The following CNTNAP5 variants were observed in gnomAD, a reference collection of about 807,000 sequenced individuals.
The protein encoded by CNTNAP5 is contactin associated protein family member 5.
Under a neutral mutation model 150.2 loss-of-function variants are expected in CNTNAP5, and 72 were observed. The observed-to-expected ratio is 0.48, with a 90% confidence interval of 0.40 to 0.58. The LOEUF is 0.58. Ranked by LOEUF, CNTNAP5 falls within the 20% of genes least tolerant of loss-of-function variation. CNTNAP5 has a pLI of 0.00. For synonymous variants in CNTNAP5, 672 were observed against 619.8 expected (o/e 1.08, Z -1.25); for missense variants, 1,636 against 1,626.2 (o/e 1.01, Z -0.10).
intron 3 of CNTNAP5, among the ~76,000 whole-genome samples, chr2:124,324,403 T>C (rs985341434): frequency 1.3e-5 from 2 of 152,134 alleles, no homozygotes; most frequent in African/African-American, 4.8e-5. Context: ...TATGTCAGAT[T>C]TAAATAGGTC....
chr2:124,521,926 A>G lies in CNTNAP5; in HGVS notation c.1328-2377A>G, dbSNP rs530594620. Among the ~76,000 whole-genome samples the G allele has an allele frequency of 2.0e-5, 3 of 152,244 alleles. No homozygotes were observed. In the East Asian group the frequency reaches 5.8e-4, roughly 30 times the overall value. ...CAAACCCTGGTCTTGTCTGAGGACA[A>G]CTGCCTTTGGGAGGAAGTGGGGCCA... On this transcript the variant is annotated intron_variant, in intron 8 of 23. Coordinates refer to ENST00000682447, the MANE Select transcript of CNTNAP5 (RefSeq NM_001367498.1).
chr2:124,412,309 G>T (rs1220187625), intron 3 of CNTNAP5, among the ~76,000 whole-genome samples: 3 of 149,922 alleles, frequency 2.0e-5, no homozygotes, highest in African/African-American at 7.3e-5. Context: ...ACTGCCCAAG[G>T]TAATTTACAG....
intron 21 of CNTNAP5, among the ~76,000 whole-genome samples, chr2:124,896,122 G>C (rs1460960546): frequency 1.3e-5 from 2 of 151,666 alleles, no homozygotes; most frequent in Non-Finnish European, 2.9e-5. Context: ...GTGCACTCCT[G>C]GCAAAGTTGT....
intron 11 of CNTNAP5, among the ~76,000 whole-genome samples, chr2:124,607,908 C>T (rs1339482937): frequency 6.6e-6 from 1 of 152,144 alleles, no homozygotes; most frequent in Non-Finnish European, 1.5e-5. Context: ...ACATTATGCT[C>T]ACAATGTGGG....
At chr2:124,525,709 T>C (rs1375014935) in intron 9 of CNTNAP5, among the ~76,000 whole-genome samples, 1 of 152,178 alleles carries the variant, frequency 6.6e-6, no homozygotes, top group Non-Finnish European at 1.5e-5. Flanking sequence ...CACCTGTGCA[T>C]GGATAACAAA....
At chr2:124,127,691 G>A (rs574997849) in intron 1 of CNTNAP5, among the ~76,000 whole-genome samples, 1 of 152,272 alleles carries the variant, frequency 6.6e-6, no homozygotes, top group African/African-American at 2.4e-5. Flanking sequence ...AAAACAGCAT[G>A]GTACTGGTAC....
intron 12 of CNTNAP5, among the ~76,000 whole-genome samples, chr2:124,643,300 T>G (rs565260678): frequency 1.3e-5 from 2 of 152,210 alleles, no homozygotes; most frequent in African/African-American, 4.8e-5. Context: ...ATTGTGGGAT[T>G]GGGTAGTGGT....
chr2:124,225,981 G>C (rs1686447954), intron 2 of CNTNAP5, among the ~76,000 whole-genome samples: 1 of 152,042 alleles, frequency 6.6e-6, no homozygotes, highest in South Asian at 2.1e-4. Context: ...ATATTCCATT[G>C]TATAAATGCC....
chr2:124,714,227 A>T (rs947976762), intron 13 of CNTNAP5, among the ~76,000 whole-genome samples: 1 of 151,788 alleles, frequency 6.6e-6, no homozygotes, highest in African/African-American at 2.4e-5. Flanking sequence ...GATTTTTTTC[A>T]CCTCTATCTG....
intron 3 of CNTNAP5, among the ~76,000 whole-genome samples, chr2:124,387,611 G>A (rs1325110487): frequency 6.6e-6 from 1 of 152,072 alleles, no homozygotes; most frequent in Non-Finnish European, 1.5e-5. Context: ...AAGGGTGGGG[G>A]AGATTACAAA....
intron 19 of CNTNAP5, among the ~76,000 whole-genome samples, chr2:124,812,105 ATT>A (rs1225196000): frequency 3.7e-4 from 5 of 13,442 alleles, no homozygotes; most frequent in African/African-American, 5.0e-4. Flanking sequence ...TATAATTTAT[ATT>A]TATATATTAT....
chr2:124,112,717 C>A (rs559836968), intron 1 of CNTNAP5, among the ~76,000 whole-genome samples: 45 of 152,094 alleles, frequency 3.0e-4, no homozygotes, highest in African/African-American at 1.0e-3. Flanking sequence ...CCTCCCTCCT[C>A]CCAAAAAAAA....
intron 3 of CNTNAP5, 108 bp downstream of exon 3, chr2:124,242,501 G>A (rs1686912945): frequency 1.9e-6 from 2 of 1,046,050 alleles, no homozygotes; most frequent in Non-Finnish European, 2.8e-6. Context: ...TTTAATAACT[G>A]GTGAGTGCCC....
chr2:124,424,989 T>TA (rs1692205805), intron 4 of CNTNAP5, among the ~76,000 whole-genome samples: 1 of 152,188 alleles, frequency 6.6e-6, no homozygotes, highest in South Asian at 2.1e-4. Context: ...ACCCATATGC[T>TA]AATGGCAGTG....
rs536693305 is a variant in CNTNAP5 at position 124,203,470 on chromosome 2, C to T, written c.83-18235C>T. Among the ~76,000 whole-genome samples the T allele has an allele frequency of 4.6e-5, 7 of 152,258 alleles. No homozygotes were observed. The South Asian group carries it at 1.2e-3, about 27-fold the overall frequency. ...TCCTCACAGATCCACTAGGAAGTGC[C>T]CCAGTGGGCACTCTGTGTGGGAGCT... On this transcript the variant is annotated intron_variant, in intron 1 of 23. Transcript: ENST00000682447.
chr2:124,228,238 GGAGA>G (rs893755357), intron 2 of CNTNAP5, among the ~76,000 whole-genome samples: 69 of 152,180 alleles, frequency 4.5e-4, no homozygotes, highest in African/African-American at 1.4e-3. Flanking sequence ...TCCAGCCCCA[GGAGA>G]GAGAGAGAAA....
chr2:124,244,245 C>T (rs539702360), intron 3 of CNTNAP5, among the ~76,000 whole-genome samples: 6 of 152,186 alleles, frequency 3.9e-5, no homozygotes, highest in East Asian at 3.9e-4. Context: ...GTCACTTTCC[C>T]TGTGTTTCTA....
chr2:124,692,151 G>A (rs960471496), intron 13 of CNTNAP5, among the ~76,000 whole-genome samples: 3 of 152,062 alleles, frequency 2.0e-5, no homozygotes, highest in African/African-American at 7.2e-5. Context: ...AAGCCCTTTG[G>A]GGATGTTCCA....
chr2:124,651,803 C>T (rs1258587170), intron 13 of CNTNAP5, among the ~76,000 whole-genome samples: 2 of 152,204 alleles, frequency 1.3e-5, no homozygotes, highest in African/African-American at 4.8e-5. Flanking sequence ...GAACTGGGCA[C>T]ATTCCTGGGC....
Sources: allele counts gnomAD v4.1 joint callset (sites outside exome capture counted in the v4.1 genomes callset), GRCh38; gene constraint gnomAD v4.1.1; transcripts MANE v1.5; gene names NCBI Gene and HGNC (gene_info 2026-07-23, HGNC 2026-07-21).